Variants in DPY19L1 observed in about 807,000 individuals in gnomAD.
DPY19L1 encodes protein C-mannosyl-transferase DPY19L1.
DPY19L1 carries 35 observed loss-of-function variants against 96.9 expected under a neutral mutation model. The observed-to-expected ratio is 0.36, with a 90% CI of 0.28 to 0.48. DPY19L1 has a LOEUF of 0.48. Among genes scored for constraint, DPY19L1 ranks in the 20% least tolerant of loss-of-function variants. DPY19L1 has a pLI of 0.99. For missense variants in DPY19L1, 521 were observed against 777.9 expected (o/e 0.67, Z 3.93); for synonymous variants, 205 against 252.6 (o/e 0.81, Z 1.79).
chr7:35,032,015 G>A (rs1209680579), intron 1 of DPY19L1, among the ~76,000 whole-genome samples: 1 of 152,126 alleles, frequency 6.6e-6, no homozygotes, highest in Non-Finnish European at 1.5e-5. Flanking sequence ...GTGTCCCTGT[G>A]CCTCATGCTT....
chr7:34,942,894 C>T (rs1784054435), intron 16 of DPY19L1, among the ~76,000 whole-genome samples: 1 of 152,166 alleles, frequency 6.6e-6, no homozygotes, highest in Non-Finnish European at 1.5e-5. Flanking sequence ...AACAAAGGCA[C>T]ACGGTGGTGT....
chr7:34,937,940 T>C (rs1042143896), intron 21 of DPY19L1, 54 bp downstream of exon 21: 3 of 1,581,172 alleles, frequency 1.9e-6, no homozygotes, highest in Non-Finnish European at 2.6e-6. Flanking sequence ...GCCATGTGCT[T>C]GAATTAACCT....
chr7:34,934,278 G>A (rs1242585577), intron 21 of DPY19L1, among the ~76,000 whole-genome samples: 3 of 152,054 alleles, frequency 2.0e-5, no homozygotes, highest in Non-Finnish European at 4.4e-5. Context: ...TATCCTATTA[G>A]TTCTGTCCCT....
intron 7 of DPY19L1, among the ~76,000 whole-genome samples, chr7:34,980,864 G>A (rs1784924734): frequency 6.6e-6 from 1 of 152,204 alleles, no homozygotes; most frequent in Non-Finnish European, 1.5e-5. Flanking sequence ...ACTGGTACAA[G>A]CACTTTGGAA....
intron 21 of DPY19L1, among the ~76,000 whole-genome samples, chr7:34,933,247 A>G (rs1219386433): frequency 1.3e-5 from 2 of 152,222 alleles, no homozygotes; most frequent in African/African-American, 4.8e-5. Context: ...CCACCACCAG[A>G]GCAGTGTAAA....
rs998735278 is a variant in DPY19L1 at position 35,010,454 on chromosome 7, T to C, written c.764+14A>G. On this transcript the variant is annotated intron_variant, in intron 6 of 21. Coordinates refer to ENST00000638088, the MANE Select transcript of DPY19L1 (RefSeq NM_001366673.1). Reference sequence around the variant, plus strand: ...TTTAGTATATCTTATAAACACATACTAAAATATTCTTACCTTAAATATGTG... The same window carrying C: ...TTTAGTATATCTTATAAACACATACCAAAATATTCTTACCTTAAATATGTG... The C allele has an allele frequency of 6.9e-7, 1 of 1,441,198 alleles. No homozygotes were observed. The highest frequency in any genetic ancestry group is 9.6e-7 in the Non-Finnish European group (1 of 1,038,072). 89.3% of individuals were successfully genotyped at this position (1,441,198 alleles called of 1,614,324 possible).
At chr7:34,975,381 C>G (rs1784810248) in intron 7 of DPY19L1, among the ~76,000 whole-genome samples, 1 of 152,190 alleles carries the variant, frequency 6.6e-6, no homozygotes, top group Non-Finnish European at 1.5e-5. Context: ...TAATCCAGAA[C>G]AAGATCCTAA....
chr7:34,991,077 C>A (rs577388123), intron 6 of DPY19L1, among the ~76,000 whole-genome samples: 36 of 152,342 alleles, frequency 2.4e-4, no homozygotes, highest in African/African-American at 8.2e-4. Flanking sequence ...AGGAGGAAGA[C>A]TGCATATTAG....
intron 11 of DPY19L1, among the ~76,000 whole-genome samples, chr7:34,957,563 T>A (rs1411212214): frequency 6.6e-6 from 1 of 152,036 alleles, no homozygotes; most frequent in African/African-American, 2.4e-5. Context: ...ACCATCTGAA[T>A]AGTCCATACA....
At chr7:34,939,514 T>C in intron 19 of DPY19L1, 139 bp from the exon 20 acceptor site, 2 of 604,014 alleles carry the variant, frequency 3.3e-6, no homozygotes, top group South Asian at 2.5e-5. Context: ...ATGGCAGAAC[T>C]AGCATGAAGT....
At chr7:34,950,588 A>G (rs1240670895) in intron 13 of DPY19L1, among the ~76,000 whole-genome samples, 1 of 152,206 alleles carries the variant, frequency 6.6e-6, no homozygotes, top group East Asian at 1.9e-4. Flanking sequence ...AGGAGAAATT[A>G]TATCTAGGAC....
intron 10 of DPY19L1, among the ~76,000 whole-genome samples, chr7:34,961,752 T>C (rs752532510): frequency 2.4e-4 from 36 of 152,062 alleles, no homozygotes; most frequent in Non-Finnish European, 5.0e-4. Context: ...ATCAAAAATA[T>C]ACAAAGAATT....
chr7:35,037,752 C>G, upstream of DPY19L1: 2 of 1,063,498 alleles, frequency 1.9e-6, no homozygotes, highest in Middle Eastern at 8.0e-4. Flanking sequence ...CCAGGCCGGC[C>G]AGCGCGCACG....
intron 6 of DPY19L1, among the ~76,000 whole-genome samples, chr7:35,003,298 C>T (rs1785473039): frequency 6.6e-6 from 1 of 152,262 alleles, no homozygotes; most frequent in South Asian, 2.1e-4. Context: ...GGAGAGCAGT[C>T]AAGGAAATCC....
chr7:34,980,518 T>TC (rs1411967488), intron 7 of DPY19L1, among the ~76,000 whole-genome samples: 1 of 151,810 alleles, frequency 6.6e-6, no homozygotes, highest in Non-Finnish European at 1.5e-5. Context: ...AAAAGACAGG[T>TC]CGTTAAGTGG....
chr7:34,949,559 C>T (rs2128784227), intron 14 of DPY19L1, among the ~76,000 whole-genome samples: 1 of 152,276 alleles, frequency 6.6e-6, no homozygotes, highest in East Asian at 1.9e-4. Flanking sequence ...TGTTTACTCA[C>T]CTAGAAAACC....
chr7:34,992,579 C>T (rs1049776010), intron 6 of DPY19L1, among the ~76,000 whole-genome samples: 2 of 145,414 alleles, frequency 1.4e-5, no homozygotes, highest in African/African-American at 5.1e-5. Context: ...CTGGGTCTCA[C>T]TCTGTCACCC....
At chr7:35,002,479 A>C (rs992911473) in intron 6 of DPY19L1, among the ~76,000 whole-genome samples, 7 of 152,176 alleles carry the variant, frequency 4.6e-5, no homozygotes, top group Non-Finnish European at 8.8e-5. Context: ...ACATCCAAAC[A>C]AAAGTTCTGA....
chr7:35,003,264 T>C (rs1785471394), intron 6 of DPY19L1, among the ~76,000 whole-genome samples: 1 of 152,076 alleles, frequency 6.6e-6, no homozygotes, highest in Non-Finnish European at 1.5e-5. Flanking sequence ...ACAAACAGGA[T>C]AAGGGCACAG....
Sources: gnomAD v4.1 joint callset for allele counts (sites outside exome capture counted in the v4.1 genomes callset) on GRCh38, gnomAD v4.1.1 for gene constraint, MANE v1.5 for transcripts, NCBI Gene and HGNC (gene_info 2026-07-23, HGNC 2026-07-21) for gene names.